Variants in OLFM1 observed in about 807,000 individuals in gnomAD.
OLFM1 encodes the protein olfactomedin 1, also known as noelin.
A neutral mutation model predicts 49.7 loss-of-function variants in OLFM1; 9 were observed. The observed-to-expected ratio is 0.18, with a 90% CI of 0.11 to 0.32. The LOEUF (loss-of-function observed/expected upper bound fraction) is 0.32. Among genes scored for constraint, OLFM1 ranks in the 10% least tolerant of loss-of-function variants. The pLI is 1.00. For synonymous variants in OLFM1, 240 were observed against 271.8 expected (o/e 0.88, Z 1.15); for missense variants, 369 against 661.8 (o/e 0.56, Z 4.85).
chr9:135,103,988 G>A (rs961577126), intron 4 of OLFM1, among the ~76,000 whole-genome samples: 1 of 152,232 alleles, frequency 6.6e-6, no homozygotes, highest in Non-Finnish European at 1.5e-5. Flanking sequence ...TCTGAGCAAT[G>A]AGTCATTCGT....
upstream of OLFM1, chr9:135,086,448 T>C (rs1830597552): frequency 1.6e-5 from 6 of 368,934 alleles, 1 homozygote; most frequent in South Asian, 1.2e-4. Context: ...GAAGGCGTTG[T>C]TCCTCTCAGG....
chr9:135,106,845 G>T lies in OLFM1; in HGVS notation c.773G>T (p.Gly258Val). Residue 258 changes from glycine (G) to valine (V), a missense_variant, in exon 5 of 6, where the codon GGC becomes GTC. Transcript: ENST00000371793. ...SWMTDPLAPE[G>V]DNRVWYMDGY... Reference sequence around the variant, plus strand: ...ATGACAGACCCTCTCGCCCCTGAAGGCGATAACCGGGTGAGTGTCCCCTTA... The same window carrying T: ...ATGACAGACCCTCTCGCCCCTGAAGTCGATAACCGGGTGAGTGTCCCCTTA... 1.2e-6 allele frequency: 2 copies of T among 1,609,508 alleles called. No individual in the cohort carries two copies. Among genetic ancestry groups the T allele is most frequent in the Non-Finnish European group, 1.7e-6 (2 of 1,178,104 alleles).
chr9:135,076,264 G>A (rs138805006), intron 1 of OLFM1: 6 of 1,550,582 alleles, frequency 3.9e-6, no homozygotes, highest in Middle Eastern at 1.7e-4. Flanking sequence ...GCCCTTGGGG[G>A]CTCCAGAAAC....
upstream of OLFM1, among the ~76,000 whole-genome samples, chr9:135,085,334 C>T (rs1290713374): frequency 6.6e-6 from 1 of 152,244 alleles, no homozygotes; most frequent in African/African-American, 2.4e-5. Context: ...ACTCATGCCA[C>T]TTCTGGGGCT....
rs1216546939 is a variant in OLFM1 at position 135,088,279 on chromosome 9, G to A, written c.150+140G>A. ...AGGCGGCGGGGAGCAGGGCGGGCAA[G>A]GGCAGGCGTCGCGGGCCGGCGCAGC... On this transcript the variant is annotated intron_variant, in intron 1 of 5. Coordinates refer to ENST00000371793, the MANE Select transcript of OLFM1 (RefSeq NM_001282611.2). The surrounding 1 kb of genome is among the most constrained non-coding windows in gnomAD (Gnocchi z 4.8). The A allele has an allele frequency of 1.3e-6, 1 of 798,798 alleles. No individual in the cohort carries two copies. Among genetic ancestry groups the A allele is most frequent in the East Asian group, 4.0e-5 (1 of 25,026 alleles). The allele number at this position is 798,798 out of a possible 1,614,324, so 49.5% of individuals were successfully genotyped here. A position where few individuals can be genotyped will look rare whatever the true frequency, so the allele number is the denominator to read the frequency against.
upstream of OLFM1, chr9:135,086,746 A>C (rs997230823): frequency 1.1e-5 from 5 of 455,154 alleles, no homozygotes; most frequent in Non-Finnish European, 1.8e-5. Flanking sequence ...CGGTCGCCGC[A>C]GAGGGCCGGG....
intron 3 of OLFM1, among the ~76,000 whole-genome samples, chr9:135,096,794 G>A (rs1256728157): frequency 6.6e-6 from 1 of 152,186 alleles, no homozygotes; most frequent in African/African-American, 2.4e-5. Context: ...CCATGACAAA[G>A]CATACCATAG....
chr9:135,090,905 C>T (rs1209698475), intron 2 of OLFM1, among the ~76,000 whole-genome samples: 1 of 152,230 alleles, frequency 6.6e-6, no homozygotes, highest in East Asian at 1.9e-4. Flanking sequence ...TAAAGCAGGC[C>T]ATGCTGTCAC....
Position 135,119,537 on chromosome 9 carries a change from T to A in OLFM1, c.817T>A (p.Phe273Ile). 6.2e-7 allele frequency: 1 copy of A among 1,612,602 alleles called. No homozygotes were observed. Residue 273 changes from phenylalanine to isoleucine, a missense_variant, in exon 6 of 6, where the codon TTC (phenylalanine) becomes ATC (isoleucine). Physicochemically the swap from Phe to Ile is conservative, Grantham distance 21. Coordinates refer to ENST00000371793, the MANE Select transcript of OLFM1 (RefSeq NM_001282611.2). The part of the protein sequence containing the change: ...WYMDGYHNNR[F>I]VREYKSMVDF... ...CATGGACGGCTATCACAACAACCGC[T>A]TCGTACGTGAGTACAAGTCCATGGT... is the stretch of plus-strand genomic sequence containing the variant.
At chr9:135,075,887 G>C in intron 1 of OLFM1, 1 of 1,454,188 alleles carries the variant, frequency 6.9e-7, no homozygotes, top group Admixed American at 2.4e-5. Flanking sequence ...GAACGGCTCT[G>C]GCTCCGCGCC....
At position 135,078,982 on chromosome 9, in the gene OLFM1, G is replaced by C. The variant is rs77976477; in HGVS notation, c.96+3180G>C. Among the ~76,000 whole-genome samples, 1,491 of 152,240 alleles carry C rather than the reference G, an allele frequency of 9.8e-3. 32 individuals are homozygous for C. Among genetic ancestry groups the C allele is most frequent in the African/African-American group, 0.035 (1,439 of 41,514 alleles). On this transcript the variant is annotated intron_variant, in intron 1 of 5. Coordinates refer to the OLFM1 transcript ENST00000252854. ...TTGAGTAAAATCCCTTCCTGCTACA[G>C]ACCCCCAACCCCATTCTTTCCTTGG...
Position 135,109,889 on chromosome 9 carries a change from C to T in OLFM1, c.783+3034C>T, listed in dbSNP as rs1048448222. On this transcript the variant is annotated intron_variant, in intron 5 of 5. Coordinates refer to ENST00000371793, the MANE Select transcript of OLFM1 (RefSeq NM_001282611.2). ...TGTGTTCGTGTGACCACAGGAGGGA[C>T]GGTCCTGAGCCAGCTTCAGGGCCTT... is the stretch of plus-strand genomic sequence containing the variant. Among the ~76,000 whole-genome samples the T allele has an allele frequency of 5.3e-5, 8 of 152,088 alleles. No individual in the cohort carries two copies. The South Asian group carries it at 6.2e-4, about 12-fold the overall frequency.
At chr9:135,114,469 A>G (rs970238248) in intron 5 of OLFM1, among the ~76,000 whole-genome samples, 8 of 152,108 alleles carry the variant, frequency 5.3e-5, no homozygotes, top group African/African-American at 1.9e-4. Context: ...TCCCATTTGC[A>G]GGTCCCAGGA....
Position 135,087,964 on chromosome 9 carries a change from G to C in OLFM1, c.-26G>C. On this transcript the variant is annotated 5_prime_UTR_variant, in exon 1 of 6. Transcript: ENST00000371793. ...GCGGGAGCCGGTGCCAGCTCGGAGC[G>C]GGCGCTGGAGGCAGCTCGAGGCGCG... 7.1e-7 allele frequency: 1 copy of C among 1,410,382 alleles called. No individual in the cohort carries two copies. The highest frequency in any genetic ancestry group is 3.2e-5 in the East Asian group (1 of 31,600). The allele number at this position is 1,410,382 out of a possible 1,614,324, so 87.4% of individuals were successfully genotyped here. A position where few individuals can be genotyped will look rare whatever the true frequency, so the allele number is the denominator to read the frequency against.
chr9:135,077,318 C>A (rs910116717), intron 1 of OLFM1: 88 of 1,390,096 alleles, frequency 6.3e-5, no homozygotes, highest in East Asian at 1.8e-4. Flanking sequence ...CATGGCCGCA[C>A]CCAAGGGCCC....
rs1013765628 is a variant in OLFM1, at chr9:135,088,972, C to A, written c.150+833C>A. ...TGAGCTGAAACCGCCACCCGGAGGGCCGCGCGGGGAAGGGGCCGCTGCCGG... is the reference window on the plus strand; with the variant it reads ...TGAGCTGAAACCGCCACCCGGAGGGACGCGCGGGGAAGGGGCCGCTGCCGG... On this transcript the variant is annotated intron_variant, in intron 1 of 5. Coordinates refer to ENST00000371793, the MANE Select transcript of OLFM1 (RefSeq NM_001282611.2). The surrounding 1 kb of genome is among the most constrained non-coding windows in gnomAD (Gnocchi z 4.8). 6.6e-6 allele frequency among the ~76,000 whole-genome samples: 1 copy of A among 152,160 alleles called. No homozygotes were observed. Among genetic ancestry groups the A allele is most frequent in the African/African-American group, 2.4e-5 (1 of 41,432 alleles).
chr9:135,084,215 A>G (rs1438791650), upstream of OLFM1, among the ~76,000 whole-genome samples: 1 of 152,238 alleles, frequency 6.6e-6, no homozygotes, highest in East Asian at 1.9e-4. This position sits in a 1 kb window ranked among gnomAD's most constrained non-coding sequence, Gnocchi z 4.6. Flanking sequence ...CAGAAAGGGA[A>G]TGAAAAAGCT....
At chr9:135,089,988 C>T (rs1470596907) in intron 1 of OLFM1, among the ~76,000 whole-genome samples, 1 of 152,192 alleles carries the variant, frequency 6.6e-6, no homozygotes, top group African/African-American at 2.4e-5. Flanking sequence ...TCCTTCCAGC[C>T]CTGAGCCCCC....
intron 5 of OLFM1, among the ~76,000 whole-genome samples, chr9:135,107,534 G>A (rs1483203469): frequency 6.6e-6 from 1 of 152,008 alleles, no homozygotes; most frequent in African/African-American, 2.4e-5. Context: ...TCGGCCCCTG[G>A]GCCCCAGACC....
Sources: allele counts gnomAD v4.1 joint callset (sites outside exome capture counted in the v4.1 genomes callset), GRCh38; gene constraint gnomAD v4.1.1; non-coding constraint Gnocchi (gnomAD v3.1); transcripts MANE v1.5; gene names NCBI Gene and HGNC (gene_info 2026-07-23, HGNC 2026-07-21).